LARGE1: variants seen among roughly 807,000 people sequenced by gnomAD.
LARGE1 encodes the protein LARGE xylosyl- and glucuronyltransferase 1.
A neutral mutation model predicts 87.6 loss-of-function variants in LARGE1; 43 were observed. The observed-to-expected ratio is 0.49, with a 90% confidence interval of 0.38 to 0.63. The LOEUF (loss-of-function observed/expected upper bound fraction) is 0.63. Among genes scored for constraint, LARGE1 ranks in the 30% least tolerant of loss-of-function variants. LARGE1 has a pLI of 0.00. For synonymous variants in LARGE1, 434 were observed against 394.6 expected (o/e 1.10, Z -1.18); for missense variants, 802 against 1,000.2 (o/e 0.80, Z 2.67).
intron 1 of LARGE1, among the ~76,000 whole-genome samples, chr22:33,913,686 G>C (rs1023320129): frequency 1.3e-5 from 2 of 152,118 alleles, no homozygotes; most frequent in African/African-American, 4.8e-5. Flanking sequence ...TGGGACTACA[G>C]GCACGCGCCA....
chr22:33,679,620 T>C (rs536885761), intron 2 of LARGE1, among the ~76,000 whole-genome samples: 76 of 152,084 alleles, frequency 5.0e-4, no homozygotes, highest in African/African-American at 1.7e-3. Context: ...GGCAGGTGGA[T>C]TGCATGAGGT....
At chr22:33,655,347 G>A (rs1175190660) in intron 2 of LARGE1, among the ~76,000 whole-genome samples, 1 of 152,064 alleles carries the variant, frequency 6.6e-6, no homozygotes, top group Non-Finnish European at 1.5e-5. Flanking sequence ...CCATTGAATT[G>A]GGACATCATC....
At chr22:33,755,564 G>A (rs2084482327) in intron 2 of LARGE1, among the ~76,000 whole-genome samples, 3 of 152,170 alleles carry the variant, frequency 2.0e-5, no homozygotes. Context: ...CTGAGAAAAG[G>A]TGATTCTGAT....
intron 7 of LARGE1, among the ~76,000 whole-genome samples, chr22:33,385,648 G>C (rs1028046853): frequency 6.8e-6 from 1 of 147,384 alleles, no homozygotes; most frequent in African/African-American, 2.5e-5. Flanking sequence ...CTGAATGGCT[G>C]AGAAGCAACT....
At chr22:33,911,636 A>G (rs2065641069) in intron 1 of LARGE1, among the ~76,000 whole-genome samples, 1 of 152,188 alleles carries the variant, frequency 6.6e-6, no homozygotes, top group South Asian at 2.1e-4. Context: ...TTTCAAGGCA[A>G]CTTGTCATGT....
At chr22:33,475,446 ATTTATTTAT>A (rs1378921044) in intron 6 of LARGE1, among the ~76,000 whole-genome samples, 1 of 148,820 alleles carries the variant, frequency 6.7e-6, no homozygotes, top group Non-Finnish European at 1.5e-5. Flanking sequence ...TTATTTATTT[ATTTATTTAT>A]TTATTTATTT....
chr22:33,406,789 G>A (rs1002767991), intron 7 of LARGE1, among the ~76,000 whole-genome samples: 9 of 152,094 alleles, frequency 5.9e-5, no homozygotes, highest in African/African-American at 2.2e-4. Context: ...ATGTGAAAAT[G>A]CATTTATTTA....
chr22:33,361,743 A>AGTCCCTCCTCTTTAGG (rs1442282052), intron 9 of LARGE1, among the ~76,000 whole-genome samples: 1 of 149,512 alleles, frequency 6.7e-6, no homozygotes, highest in Non-Finnish European at 1.5e-5. Context: ...TCCTCTTTAG[A>AGTCCCTCCTCTTTAGG]GTCCCTCCTC....
At chr22:33,657,480 C>G (rs1489863048) in intron 2 of LARGE1, among the ~76,000 whole-genome samples, 1 of 152,142 alleles carries the variant, frequency 6.6e-6, no homozygotes, top group African/African-American at 2.4e-5. Context: ...GCAGGCTATG[C>G]TATCTCTGCT....
At chr22:33,498,496 A>T (rs2070263540) in intron 6 of LARGE1, among the ~76,000 whole-genome samples, 2 of 152,170 alleles carry the variant, frequency 1.3e-5, no homozygotes, top group South Asian at 4.1e-4. Context: ...CCACTGCGGC[A>T]GCCGAATGTC....
chr22:33,364,299 C>T lies in LARGE1; in HGVS notation c.1131+17620G>A, dbSNP rs376762142. Among the ~76,000 whole-genome samples, 367 of 152,232 alleles carry T rather than the reference C, an allele frequency of 2.4e-3. 1 individual carries two copies. Among genetic ancestry groups the T allele is most frequent in the African/African-American group, 8.3e-3 (344 of 41,538 alleles). On this transcript the variant is annotated intron_variant, in intron 9 of 14. Transcript: ENST00000397394. ...GTCTCCATCTCCTGACCTCGTGATC[C>T]GCCCGCCTCGGCCTCCCAAAGTGCT...
intron 4 of LARGE1, among the ~76,000 whole-genome samples, chr22:33,609,986 C>T (rs1300425631): frequency 1.3e-5 from 2 of 152,060 alleles, no homozygotes; most frequent in Non-Finnish European, 1.5e-5. Context: ...TCACCTTCTG[C>T]CATAAGTAAA....
At chr22:33,107,820 A>T in the LARGE1 span, among the ~76,000 whole-genome samples, 1 of 152,152 alleles carries the variant, frequency 6.6e-6, no homozygotes, top group African/African-American at 2.4e-5. Context: ...GTGAGTTATG[A>T]TTGTGCCACT....
At chr22:33,726,885 G>A (rs1002794764) in intron 2 of LARGE1, among the ~76,000 whole-genome samples, 2 of 149,560 alleles carry the variant, frequency 1.3e-5, no homozygotes, top group African/African-American at 4.9e-5. Flanking sequence ...CTACCTCTCT[G>A]CTCAATAAAT....
intron 3 of LARGE1, among the ~76,000 whole-genome samples, chr22:33,630,141 G>A (rs1242480158): frequency 6.6e-6 from 1 of 152,138 alleles, no homozygotes; most frequent in African/African-American, 2.4e-5. Flanking sequence ...AGAGGTTGCA[G>A]TGAGCTGAGA....
chr22:33,546,585 A>T (rs1323205892), intron 6 of LARGE1, among the ~76,000 whole-genome samples: 1 of 151,836 alleles, frequency 6.6e-6, no homozygotes, highest in African/African-American at 2.4e-5. Flanking sequence ...TTCTTTTTTT[A>T]AATTTTTTAT....
chr22:33,836,562 G>A (rs2063113329), intron 1 of LARGE1, among the ~76,000 whole-genome samples: 1 of 151,976 alleles, frequency 6.6e-6, no homozygotes, highest in Admixed American at 6.6e-5. Context: ...CCCATTTAAG[G>A]TTCAATGTTC....
chr22:33,573,638 G>C (rs1226117895), intron 5 of LARGE1, among the ~76,000 whole-genome samples: 3 of 152,168 alleles, frequency 2.0e-5, no homozygotes, highest in Non-Finnish European at 4.4e-5. Context: ...CCATGGTCTA[G>C]TGGATATTCA....
At chr22:33,511,117 C>T (rs2071035336) in intron 6 of LARGE1, among the ~76,000 whole-genome samples, 1 of 152,190 alleles carries the variant, frequency 6.6e-6, no homozygotes, top group Non-Finnish European at 1.5e-5. Context: ...ACGGGGGCAG[C>T]CAGACTTTCC....
Sources: allele counts gnomAD v4.1 joint callset (sites outside exome capture counted in the v4.1 genomes callset), GRCh38; gene constraint gnomAD v4.1.1; transcripts MANE v1.5; gene names NCBI Gene and HGNC (gene_info 2026-07-23, HGNC 2026-07-21).